TTC39C: variants seen among roughly 807,000 people sequenced by gnomAD.
TTC39C encodes tetratricopeptide repeat domain 39C.
TTC39C carries 33 observed loss-of-function variants against 76.3 expected under a neutral mutation model. The ratio of observed to expected loss-of-function variants is 0.43; its 90% CI spans 0.33 to 0.58. TTC39C has a LOEUF of 0.58. Among genes scored for constraint, TTC39C ranks in the 20% least tolerant of loss-of-function variants. The probability of loss-of-function intolerance (pLI) is 0.04; values close to 1 mark genes in which losing one functional copy is unlikely to be tolerated. For synonymous variants in TTC39C, 254 were observed against 260.6 expected (o/e 0.97, Z 0.24); for missense variants, 595 against 701.4 (o/e 0.85, Z 1.71).
intron 1 of TTC39C, among the ~76,000 whole-genome samples, chr18:24,055,996 A>G (rs1170484322): frequency 6.6e-6 from 1 of 152,186 alleles, no homozygotes; most frequent in African/African-American, 2.4e-5. Flanking sequence ...TTTGATGATA[A>G]CAAGCAGAGC....
chr18:24,022,398 A>G (rs1159189543), intron 1 of TTC39C, among the ~76,000 whole-genome samples: 1 of 151,992 alleles, frequency 6.6e-6, no homozygotes, highest in East Asian at 1.9e-4. Context: ...TATCTCCCTT[A>G]GACAGAGGGA....
intron 1 of TTC39C, among the ~76,000 whole-genome samples, chr18:24,005,768 C>T (rs911940330): frequency 2.3e-4 from 35 of 150,898 alleles, no homozygotes; most frequent in Non-Finnish European, 4.6e-4. Context: ...CGGCTTGAAT[C>T]TAAGAGTTTG....
chr18:24,102,846 G>A (rs976800905), intron 6 of TTC39C, among the ~76,000 whole-genome samples: 2 of 152,172 alleles, frequency 1.3e-5, no homozygotes, highest in African/African-American at 4.8e-5. Flanking sequence ...GCTGGCTCAC[G>A]CCTGTACACT....
chr18:24,001,345 G>C (rs1287801033), intron 1 of TTC39C, among the ~76,000 whole-genome samples: 1 of 152,146 alleles, frequency 6.6e-6, no homozygotes, highest in Admixed American at 6.5e-5. Flanking sequence ...CTAAGCCAAG[G>C]TCCGTGAAAA....
At chr18:24,059,672 A>G (rs2084066325) in intron 1 of TTC39C, among the ~76,000 whole-genome samples, 1 of 152,244 alleles carries the variant, frequency 6.6e-6, no homozygotes, top group South Asian at 2.1e-4. Context: ...GCTGCAGTGA[A>G]CATACATGTG....
At chr18:24,123,071 G>T (rs2084993193) in intron 8 of TTC39C, among the ~76,000 whole-genome samples, 1 of 152,292 alleles carries the variant, frequency 6.6e-6, no homozygotes, top group Non-Finnish European at 1.5e-5. Context: ...GGCAGCCAAG[G>T]AACTTGGACA....
chr18:24,125,689 G>A, intron 10 of TTC39C, 139 bp downstream of exon 10: 1 of 1,116,530 alleles, frequency 9.0e-7, no homozygotes, highest in Non-Finnish European at 1.3e-6. Context: ...CTTAGATAGA[G>A]GGTGTCGTGA....
At chr18:24,122,120 C>T (rs1250548296) in intron 8 of TTC39C, among the ~76,000 whole-genome samples, 3 of 152,080 alleles carry the variant, frequency 2.0e-5, no homozygotes, top group African/African-American at 2.4e-5. Context: ...TGGGCTCTGC[C>T]GATGGTAGCC....
chr18:24,103,909 C>T (rs1323408662), intron 6 of TTC39C, among the ~76,000 whole-genome samples: 1 of 151,308 alleles, frequency 6.6e-6, no homozygotes, highest in Non-Finnish European at 1.5e-5. Flanking sequence ...CCATTCAGTG[C>T]GAAATCCCAC....
chr18:24,103,915 C>T (rs2084710831), intron 6 of TTC39C, among the ~76,000 whole-genome samples: 1 of 151,134 alleles, frequency 6.6e-6, no homozygotes, highest in Non-Finnish European at 1.5e-5. Context: ...AGTGCGAAAT[C>T]CCACATTCTC....
chr18:24,090,405 A>G (rs1568433719), intron 6 of TTC39C, among the ~76,000 whole-genome samples: 1 of 152,280 alleles, frequency 6.6e-6, no homozygotes, highest in African/African-American at 2.4e-5. Flanking sequence ...TTGTTTGCCT[A>G]TTTTTATTTC....
At chr18:24,013,747 A>T (rs563203967), upstream of TTC39C, among the ~76,000 whole-genome samples, 127 of 152,380 alleles carry the variant, frequency 8.3e-4, 1 homozygote, top group Admixed American at 4.5e-3. Context: ...TTGTGGAAAA[A>T]ACATAAAGAT....
At chr18:24,020,154 G>T in intron 1 of TTC39C, 1 of 1,211,208 alleles carries the variant, frequency 8.3e-7, no homozygotes, top group Non-Finnish European at 1.0e-6. Flanking sequence ...GGGAACTGGC[G>T]GGAAAGACAG....
At chr18:24,003,999 C>T (rs2083333190) in intron 1 of TTC39C, among the ~76,000 whole-genome samples, 1 of 152,186 alleles carries the variant, frequency 6.6e-6, no homozygotes, top group Non-Finnish European at 1.5e-5. Flanking sequence ...ATCCTCCCTG[C>T]CTTGGACTCT....
At chr18:24,076,135 C>T (rs1203743961) in intron 4 of TTC39C, among the ~76,000 whole-genome samples, 1 of 152,284 alleles carries the variant, frequency 6.6e-6, no homozygotes, top group East Asian at 1.9e-4. Context: ...TGCCACCAAG[C>T]CCGGCTAATT....
intron 4 of TTC39C, among the ~76,000 whole-genome samples, chr18:24,074,744 G>A (rs1187595946): frequency 2.0e-5 from 3 of 152,172 alleles, no homozygotes; most frequent in African/African-American, 7.2e-5. Flanking sequence ...ACAGTGTGGC[G>A]ACTCCTCAGG....
At chr18:24,011,535 G>A (rs1451322681), upstream of TTC39C, among the ~76,000 whole-genome samples, 1 of 152,196 alleles carries the variant, frequency 6.6e-6, no homozygotes, top group African/African-American at 2.4e-5. Context: ...TAGTGTTGAA[G>A]CCAGGGATAC....
intron 1 of TTC39C, among the ~76,000 whole-genome samples, chr18:24,035,421 G>A (rs1053539854): frequency 6.6e-6 from 1 of 152,170 alleles, no homozygotes; most frequent in Non-Finnish European, 1.5e-5. Context: ...GTACACAAGG[G>A]TTCCAGTTTT....
chr18:24,062,062 A>T (rs2084108379), intron 1 of TTC39C, among the ~76,000 whole-genome samples: 1 of 152,190 alleles, frequency 6.6e-6, no homozygotes, highest in Admixed American at 6.5e-5. Context: ...TTCTTCAAGG[A>T]GGGAAAATGG....
Sources: allele counts gnomAD v4.1 joint callset (sites outside exome capture counted in the v4.1 genomes callset), GRCh38; gene constraint gnomAD v4.1.1; transcripts MANE v1.5; gene names NCBI Gene and HGNC (gene_info 2026-07-23, HGNC 2026-07-21).